PTPRG: variants seen among roughly 807,000 people sequenced by gnomAD.
The protein encoded by PTPRG is protein tyrosine phosphatase receptor type G.
PTPRG carries 102 observed loss-of-function variants against 165.3 expected under a neutral mutation model. The ratio of observed to expected loss-of-function variants is 0.62; its 90% CI spans 0.53 to 0.73. The LOEUF (loss-of-function observed/expected upper bound fraction) is 0.73, where lower values mean the gene tolerates loss of function less well. Among genes scored for constraint, PTPRG ranks in the 30% least tolerant of loss-of-function variants. The probability of loss-of-function intolerance (pLI) is 0.00; values close to 1 mark genes in which losing one functional copy is unlikely to be tolerated. For missense variants in PTPRG, 1,866 were observed against 1,861.4 expected (o/e 1.00, Z -0.05); for synonymous variants, 675 against 669.5 (o/e 1.01, Z -0.13).
At chr3:62,292,150 C>T (rs1308345704) in intron 28 of PTPRG, among the ~76,000 whole-genome samples, 1 of 152,068 alleles carries the variant, frequency 6.6e-6, no homozygotes, top group East Asian at 1.9e-4. Context: ...TTTAGCTCTC[C>T]TAAGTCTACT....
chr3:61,807,387 C>T (rs2035448841), intron 2 of PTPRG, among the ~76,000 whole-genome samples: 2 of 152,120 alleles, frequency 1.3e-5, no homozygotes, highest in Non-Finnish European at 2.9e-5. Flanking sequence ...TCTGGGCCAG[C>T]GTATATGGTA....
chr3:62,115,680 C>T (rs940727626), intron 5 of PTPRG, among the ~76,000 whole-genome samples: 1 of 151,052 alleles, frequency 6.6e-6, no homozygotes, highest in Non-Finnish European at 1.5e-5. Context: ...CTCTGTCATC[C>T]AGGCTGGAGT....
intron 1 of PTPRG, among the ~76,000 whole-genome samples, chr3:61,686,175 A>C (rs1293434236): frequency 7.2e-5 from 11 of 152,034 alleles, no homozygotes; most frequent in Admixed American, 5.2e-4. Flanking sequence ...AGAGAACTTA[A>C]ATATTAAGGT....
At chr3:61,566,707 A>G (rs1015730570) in intron 1 of PTPRG, among the ~76,000 whole-genome samples, 5 of 152,184 alleles carry the variant, frequency 3.3e-5, no homozygotes, top group African/African-American at 1.2e-4. Context: ...GAGTGCCGCC[A>G]TGTTGGCCAG....
At chr3:61,570,185 T>C (rs2106770426) in intron 1 of PTPRG, among the ~76,000 whole-genome samples, 1 of 152,310 alleles carries the variant, frequency 6.6e-6, no homozygotes, top group South Asian at 2.1e-4. Flanking sequence ...TCTCTATATG[T>C]TCATGGATTC....
chr3:61,977,555 A>T (rs556300914), intron 2 of PTPRG, among the ~76,000 whole-genome samples: 1 of 151,962 alleles, frequency 6.6e-6, no homozygotes, highest in Non-Finnish European at 1.5e-5. Flanking sequence ...TTTTCTTTAC[A>T]TGATGTGATA....
intron 28 of PTPRG, among the ~76,000 whole-genome samples, chr3:62,291,020 AT>A (rs1205450671): frequency 6.6e-6 from 1 of 152,202 alleles, no homozygotes; most frequent in African/African-American, 2.4e-5. Context: ...CACTATAAAA[AT>A]AACTCCTATA....
intron 2 of PTPRG, among the ~76,000 whole-genome samples, chr3:61,767,245 A>AAAAAAAAAAG (rs1376113547): frequency 6.7e-6 from 1 of 148,540 alleles, no homozygotes; most frequent in Admixed American, 6.8e-5. Context: ...CATCTCAAAA[A>AAAAAAAAAAG]AAAAAAAAAA....
chr3:62,145,287 A>G (rs1704078455), intron 6 of PTPRG, among the ~76,000 whole-genome samples: 2 of 152,256 alleles, frequency 1.3e-5, no homozygotes, highest in African/African-American at 4.8e-5. Flanking sequence ...TATCCTGAGG[A>G]TTCAGTGACT....
chr3:62,060,450 T>C (rs1267342834), intron 4 of PTPRG, among the ~76,000 whole-genome samples: 1 of 152,176 alleles, frequency 6.6e-6, no homozygotes, highest in Non-Finnish European at 1.5e-5. Flanking sequence ...ACAAGGCTTC[T>C]GGAGGAGCAA....
intron 2 of PTPRG, among the ~76,000 whole-genome samples, chr3:61,986,473 TA>T (rs2107687560): frequency 6.6e-6 from 1 of 152,356 alleles, no homozygotes; most frequent in African/African-American, 2.4e-5. Flanking sequence ...CAGATGTGTT[TA>T]TTGAATTCAT....
At chr3:62,085,336 G>GT (rs1701717606) in intron 5 of PTPRG, among the ~76,000 whole-genome samples, 1 of 147,814 alleles carries the variant, frequency 6.8e-6, no homozygotes, top group South Asian at 2.1e-4. Flanking sequence ...TGAAGACTGT[G>GT]TAACGATTCA....
intron 6 of PTPRG, among the ~76,000 whole-genome samples, chr3:62,141,334 G>A (rs556436439): frequency 1.3e-5 from 2 of 152,058 alleles, no homozygotes; most frequent in Admixed American, 6.6e-5. Context: ...GGCCAGGCGC[G>A]GTGGCTCATG....
intron 2 of PTPRG, among the ~76,000 whole-genome samples, chr3:61,984,444 G>A (rs913211535): frequency 6.6e-6 from 1 of 152,106 alleles, no homozygotes; most frequent in Non-Finnish European, 1.5e-5. Context: ...AGTCATCCCA[G>A]TATTACCCAT....
intron 1 of PTPRG, among the ~76,000 whole-genome samples, chr3:61,640,132 CA>C (rs966441136): frequency 2.6e-5 from 4 of 152,176 alleles, no homozygotes; most frequent in African/African-American, 9.7e-5. Context: ...TCTTACCAGC[CA>C]GATATTTTCC....
chr3:61,720,561 C>T (rs545280726), intron 1 of PTPRG, among the ~76,000 whole-genome samples: 3 of 152,292 alleles, frequency 2.0e-5, no homozygotes, highest in South Asian at 4.1e-4. Flanking sequence ...AACAGTATCA[C>T]TCCCGAAGGT....
At chr3:61,907,035 A>G (rs2038674503) in intron 2 of PTPRG, among the ~76,000 whole-genome samples, 1 of 152,166 alleles carries the variant, frequency 6.6e-6, no homozygotes, top group Admixed American at 6.5e-5. Flanking sequence ...AACTTAAAAC[A>G]CACAATGTTT....
chr3:62,258,183 C>T (rs1007283021), intron 16 of PTPRG, among the ~76,000 whole-genome samples: 9 of 151,986 alleles, frequency 5.9e-5, no homozygotes, highest in Non-Finnish European at 1.0e-4. Context: ...GCTGAGAATA[C>T]GACTTATAAA....
intron 1 of PTPRG, among the ~76,000 whole-genome samples, chr3:61,618,121 C>CT (rs1701348086): frequency 6.6e-6 from 1 of 152,010 alleles, no homozygotes; most frequent in Non-Finnish European, 1.5e-5. Context: ...AAGCCGTGTG[C>CT]TTTTTTATGC....
Sources: allele counts gnomAD v4.1 joint callset (sites outside exome capture counted in the v4.1 genomes callset), GRCh38; gene constraint gnomAD v4.1.1; transcripts MANE v1.5; gene names NCBI Gene and HGNC (gene_info 2026-07-23, HGNC 2026-07-21).